Variants in TNKS observed in about 807,000 individuals in gnomAD.
TNKS encodes the protein tankyrase.
TNKS carries 72 observed loss-of-function variants against 135.8 expected under a neutral mutation model. The ratio of observed to expected loss-of-function variants is 0.53; its 90% CI spans 0.44 to 0.64. The LOEUF (loss-of-function observed/expected upper bound fraction) is 0.64. Ranked by LOEUF, TNKS falls within the 30% of genes least tolerant of loss-of-function variation. The pLI, the probability that TNKS is intolerant of heterozygous loss-of-function variation, is 0.00. For synonymous variants in TNKS, 849 were observed against 649.3 expected (o/e 1.31, Z -4.68); for missense variants, 1,769 against 1,674.0 (o/e 1.06, Z -0.99).
rs763999319 is a variant in TNKS at position 9,764,788 on chromosome 8, C to A, written c.3445C>A (p.Arg1149=). ...GGIFNRYNVI[R]IQKVVNKKLR... Reference sequence around the variant, plus strand: ...CATCTTCAACAGATACAATGTCATTCGAGTAAGTTTTTAAAGTTTCATGGT... The same window carrying A: ...CATCTTCAACAGATACAATGTCATTAGAGTAAGTTTTTAAAGTTTCATGGT... The change falls in exon 23 of 27, where the codon CGA becomes AGA. Residue 1149 remains arginine (R), a splice_region_variant and synonymous_variant. Coordinates refer to ENST00000310430, the MANE Select transcript of TNKS (RefSeq NM_003747.3). 1 of 1,586,070 alleles carries A rather than the reference C, an allele frequency of 6.3e-7. No individual in the cohort carries two copies. The highest frequency in any genetic ancestry group is 1.2e-5 in the South Asian group (1 of 85,258).
intron 17 of TNKS, among the ~76,000 whole-genome samples, chr8:9,743,884 GC>G (rs1351151947): frequency 6.6e-6 from 1 of 152,186 alleles, no homozygotes; most frequent in African/African-American, 2.4e-5. Context: ...CTGGCTCAGT[GC>G]TGTGTTAAAT....
At chr8:9,587,218 C>A (rs1408398113) in intron 2 of TNKS, among the ~76,000 whole-genome samples, 2 of 151,498 alleles carry the variant, frequency 1.3e-5, no homozygotes, top group African/African-American at 4.9e-5. Context: ...AAGAGGGAGG[C>A]AGAGAGAAAG....
chr8:9,643,697 T>C (rs1262062135), intron 3 of TNKS, among the ~76,000 whole-genome samples: 1 of 152,130 alleles, frequency 6.6e-6, no homozygotes, highest in Non-Finnish European at 1.5e-5. Context: ...GTAAGCACTA[T>C]GGAAAACAGT....
rs536766397 is a variant in TNKS, at chr8:9,728,883, C to G, written c.2002-2007C>G. 3.1e-4 allele frequency among the ~76,000 whole-genome samples: 47 copies of G among 152,252 alleles called. 1 individual carries two copies. The South Asian group carries it at 8.5e-3, about 28-fold the overall frequency. On this transcript the variant is annotated intron_variant, in intron 13 of 26. Transcript: ENST00000310430. ...TGAAAATTACACCACTTAAAAAGCG[C>G]TTGTTTTTATCCTACCTGTGTGAAA...
At chr8:9,652,075 A>G (rs1801167527) in intron 3 of TNKS, among the ~76,000 whole-genome samples, 1 of 152,210 alleles carries the variant, frequency 6.6e-6, no homozygotes, top group Non-Finnish European at 1.5e-5. Context: ...ATAGAAACAA[A>G]TCTTTACTTT....
At chr8:9,655,762 C>T (rs1265077514) in intron 3 of TNKS, among the ~76,000 whole-genome samples, 2 of 152,004 alleles carry the variant, frequency 1.3e-5, no homozygotes, top group Non-Finnish European at 2.9e-5. Flanking sequence ...TCATCAAAGA[C>T]CAAAGGTAGA....
In TNKS at chr8:9,765,784, C is replaced by G. The variant is rs1227947308; in HGVS notation, c.3540C>G (p.Arg1180=). The G allele has an allele frequency of 1.9e-6, 3 of 1,613,744 alleles. No homozygotes were observed. The South Asian group carries it at 3.3e-5, about 18-fold the overall frequency. ...SEENHNHHNE[R]MLFHGSPFIN... ...AGAATCACAACCATCACAATGAGCGCATGTTGTTTCATGGTAAGCAGCGTG... is the reference window on the plus strand; with the variant it reads ...AGAATCACAACCATCACAATGAGCGGATGTTGTTTCATGGTAAGCAGCGTG... The change falls in exon 24 of 27, where the codon CGC becomes CGG. Residue 1180 remains arginine, a synonymous_variant. Transcript: ENST00000310430.
intron 2 of TNKS, among the ~76,000 whole-genome samples, chr8:9,592,010 A>G (rs1466802370): frequency 6.6e-6 from 1 of 152,206 alleles, no homozygotes; most frequent in East Asian, 1.9e-4. Flanking sequence ...CAGCTATTTC[A>G]TGTGAAAACT....
In TNKS at chr8:9,578,685, A is replaced by G. The variant is rs146998544; in HGVS notation, c.674-1474A>G. ...TCCACATGGTTTTTATTTGTTTAACATATGCCCAAAATAAAGGAAGATGTG... is the reference window on the plus strand; with the variant it reads ...TCCACATGGTTTTTATTTGTTTAACGTATGCCCAAAATAAAGGAAGATGTG... On this transcript the variant is annotated intron_variant, in intron 1 of 26. Transcript: ENST00000310430. 9.1e-3 allele frequency among the ~76,000 whole-genome samples: 1,388 copies of G among 152,242 alleles called. 10 individuals are homozygous for G. Among genetic ancestry groups the G allele is most frequent in the South Asian group, 0.022 (108 of 4,824 alleles).
chr8:9,576,002 G>A (rs547006009), intron 1 of TNKS, among the ~76,000 whole-genome samples: 3 of 152,148 alleles, frequency 2.0e-5, no homozygotes, highest in African/African-American at 7.2e-5. Flanking sequence ...GAGGAGAAAG[G>A]GCACTCTTCC....
chr8:9,593,867 T>G (rs1043062183), intron 2 of TNKS, among the ~76,000 whole-genome samples: 12 of 124,994 alleles, frequency 9.6e-5, no homozygotes, highest in Non-Finnish European at 1.4e-4. Flanking sequence ...CCTTGATATT[T>G]ATTTATTTAT....
chr8:9,598,775 A>ATATATGTG (rs1798900919), intron 2 of TNKS, among the ~76,000 whole-genome samples: 1 of 21,264 alleles, frequency 4.7e-5, no homozygotes, highest in African/African-American at 2.7e-4. Context: ...GTATATATAT[A>ATATATGTG]TATATATATA....
chr8:9,715,742 G>C (rs1450856934), intron 11 of TNKS, among the ~76,000 whole-genome samples: 1 of 152,056 alleles, frequency 6.6e-6, no homozygotes, highest in African/African-American at 2.4e-5. Context: ...GAACATTGGA[G>C]CATTACCCAA....
At chr8:9,717,101 A>ATATTTTTTTTTT (rs1454492300) in intron 11 of TNKS, among the ~76,000 whole-genome samples, 4 of 119,336 alleles carry the variant, frequency 3.4e-5, no homozygotes, top group African/African-American at 1.2e-4. Context: ...ATATATATAT[A>ATATTTTTTTTTT]TTTTCAGGGA....
At chr8:9,656,766 G>T (rs1290830000) in intron 3 of TNKS, among the ~76,000 whole-genome samples, 3 of 151,140 alleles carry the variant, frequency 2.0e-5, no homozygotes, top group African/African-American at 2.4e-5. Context: ...AGGACCCCAC[G>T]GCCTTCCGCA....
chr8:9,690,210 C>T (rs1179032712), intron 5 of TNKS, among the ~76,000 whole-genome samples: 1 of 152,158 alleles, frequency 6.6e-6, no homozygotes, highest in Non-Finnish European at 1.5e-5. Flanking sequence ...TTTCACCACA[C>T]GTTTTAATTC....
intron 11 of TNKS, among the ~76,000 whole-genome samples, chr8:9,716,869 A>G (rs748550946): frequency 5.3e-5 from 8 of 151,588 alleles, no homozygotes; most frequent in Non-Finnish European, 8.8e-5. Flanking sequence ...GCTTAGAAGT[A>G]TACCACCTGC....
chr8:9,716,650 A>G (rs937828907), intron 11 of TNKS, among the ~76,000 whole-genome samples: 74 of 152,028 alleles, frequency 4.9e-4, no homozygotes, highest in Admixed American at 1.3e-3. Flanking sequence ...GCCGTTCTCT[A>G]TGTCTCTGCC....
At chr8:9,755,209 G>A (rs1445574418) in intron 20 of TNKS, among the ~76,000 whole-genome samples, 4 of 152,068 alleles carry the variant, frequency 2.6e-5, no homozygotes, top group East Asian at 1.9e-4. Flanking sequence ...TTCCTGTGGC[G>A]TATTTATCAC....
Sources: allele counts gnomAD v4.1 joint callset (sites outside exome capture counted in the v4.1 genomes callset), GRCh38; gene constraint gnomAD v4.1.1; transcripts MANE v1.5; gene names NCBI Gene and HGNC (gene_info 2026-07-23, HGNC 2026-07-21).